The following LRRC71 variants were observed in gnomAD, a reference collection of about 807,000 sequenced individuals.
LRRC71 encodes leucine-rich repeat-containing protein 71.
In LRRC71, 54 loss-of-function variants were observed where a neutral mutation model predicts 66.6. The ratio of observed to expected loss-of-function variants is 0.81; its 90% CI spans 0.65 to 1.02. The LOEUF is 1.02. Ranked by LOEUF, LRRC71 falls within the 50% of genes least tolerant of loss-of-function variation. LRRC71 has a pLI of 0.00. For missense variants in LRRC71, 724 were observed against 718.0 expected (o/e 1.01, Z -0.10); for synonymous variants, 323 against 303.9 (o/e 1.06, Z -0.65).
downstream of LRRC71, chr1:156,936,147 C>G (rs760175837): frequency 2.9e-5 from 38 of 1,320,508 alleles, 1 homozygote; most frequent in South Asian, 4.3e-4. Flanking sequence ...CTCACGAGAA[C>G]AGATCCTTCA....
chr1:156,930,060 T>TTCTTTTTTCTTTCTTTCTTTTTCTTTC (rs746194831), intron 11 of LRRC71, among the ~76,000 whole-genome samples: 3 of 126,182 alleles, frequency 2.4e-5, no homozygotes, highest in Admixed American at 1.6e-4. Context: ...CTTTCTTTCT[T>TTCTTTTTTCTTTCTTTCTTTTTCTTTC]TTTCTTTCTT....
chr1:156,920,881 G>A lies in LRRC71; in HGVS notation c.78G>A (p.Val26=). ...GGACCCAGAAGTCTTCTGGCGCGGT[G>A]ACCAAAAAGGGAGAGCGCGCGGCCA... ...RPGTQKSSGA[V]TKKGERAAKE... is the part of the protein sequence containing the mutation. The change falls in exon 1 of 15, where the codon GTG becomes GTA. Residue 26 remains valine, a synonymous_variant. Coordinates refer to ENST00000337428, the MANE Select transcript of LRRC71 (RefSeq NM_144702.3). The surrounding 1 kb of genome is among the most constrained non-coding windows in gnomAD (Gnocchi z 4.9). 1 of 1,540,284 alleles carries A rather than the reference G, an allele frequency of 6.5e-7. No homozygotes were observed. Among genetic ancestry groups the A allele is most frequent in the Non-Finnish European group, 8.8e-7 (1 of 1,142,798 alleles).
chr1:156,936,793 G>C, downstream of LRRC71: 1 of 1,605,258 alleles, frequency 6.2e-7, no homozygotes, highest in Non-Finnish European at 8.5e-7. Flanking sequence ...GGTAGGAACC[G>C]AGAGGGACCT....
At chr1:156,932,649 G>A (rs756452085) in intron 14 of LRRC71, 104 bp downstream of exon 14, 65 of 1,611,962 alleles carry the variant, frequency 4.0e-5, no homozygotes, top group Non-Finnish European at 5.2e-5. Flanking sequence ...TTCCAAGGAA[G>A]GTCTGTAGTT....
chr1:156,927,431 C>T (rs1198194843), intron 6 of LRRC71, 65 bp from the exon 7 acceptor site: 3 of 1,520,340 alleles, frequency 2.0e-6, no homozygotes, highest in Admixed American at 2.1e-5. Context: ...GCTCAAGTCT[C>T]CCATATTCCG....
Position 156,920,990 on chromosome 1 carries a change from C to A in LRRC71, c.160+27C>A. 1.4e-6 allele frequency: 2 copies of A among 1,479,632 alleles called. No homozygotes were observed. The highest frequency in any genetic ancestry group is 1.8e-6 in the Non-Finnish European group (2 of 1,108,974). The allele number at this position is 1,479,632 out of a possible 1,614,324, so 91.7% of individuals were successfully genotyped here. ...TACGCTGGCGCCGGGGTTTGGGGAT[C>A]GGGCTTCCAGGCTGCGTCTTCCCGG... On this transcript the variant is annotated intron_variant, in intron 1 of 14. Transcript: ENST00000337428. The surrounding 1 kb of genome is among the most constrained non-coding windows in gnomAD (Gnocchi z 4.9).
Position 156,927,182 on chromosome 1 carries a change from C to T in LRRC71, c.594-20C>T. Reference sequence around the variant, plus strand: ...GGCCTCAGTGGTACCTTCTGGTTCTCAGATCTCCCCTGCCCTCAGGAAGGT... The same window carrying T: ...GGCCTCAGTGGTACCTTCTGGTTCTTAGATCTCCCCTGCCCTCAGGAAGGT... On this transcript the variant is annotated intron_variant, in intron 5 of 14. Coordinates refer to ENST00000337428, the MANE Select transcript of LRRC71 (RefSeq NM_144702.3). 6.2e-7 allele frequency: 1 copy of T among 1,604,988 alleles called. No homozygotes were observed. The highest frequency in any genetic ancestry group is 8.5e-7 in the Non-Finnish European group (1 of 1,175,686).
At chr1:156,930,064 C>CTTTCTT (rs1557793125) in intron 11 of LRRC71, among the ~76,000 whole-genome samples, 2 of 95,556 alleles carry the variant, frequency 2.1e-5, no homozygotes, top group African/African-American at 9.1e-5. Context: ...CTTTCTTTTT[C>CTTTCTT]TTTCTTTCTT....
chr1:156,936,497 AATATAT>A (rs1553192804), downstream of LRRC71, among the ~76,000 whole-genome samples: 40 of 33,942 alleles, frequency 1.2e-3, 1 homozygote, highest in African/African-American at 5.1e-3. Flanking sequence ...AAAAAAAAAA[AATATAT>A]ATATATATAT....
downstream of LRRC71, chr1:156,936,069 A>C: frequency 6.2e-7 from 1 of 1,613,786 alleles, no homozygotes; most frequent in Non-Finnish European, 8.5e-7. Flanking sequence ...CTGTGGGAGG[A>C]GGATGAAGGT....
At chr1:156,929,851 T>C (rs1326696972) in intron 11 of LRRC71, 122 bp downstream of exon 11, 4 of 767,736 alleles carry the variant, frequency 5.2e-6, no homozygotes, top group Non-Finnish European at 8.3e-6. Context: ...GCCATGCCCC[T>C]CTGGGCTTGA....
chr1:156,920,697 G>C lies in LRRC71; in HGVS notation c.-107G>C, dbSNP rs1453966442. 1 of 1,283,896 alleles carries C rather than the reference G, an allele frequency of 7.8e-7. No homozygotes were observed. The highest frequency in any genetic ancestry group is 3.1e-5 in the East Asian group (1 of 32,702). The allele number at this position is 1,283,896 out of a possible 1,614,324, so 79.5% of individuals were successfully genotyped here. A position where few individuals can be genotyped will look rare whatever the true frequency, so the allele number is the denominator to read the frequency against. On this transcript the variant is annotated 5_prime_UTR_variant, in exon 1 of 15. Transcript: ENST00000337428. This position sits in a 1 kb window ranked among gnomAD's most constrained non-coding sequence, Gnocchi z 4.9. ...CGGGTCGGATCCGGTCCCTGGACGC[G>C]GAACAGAGATCCCCTGATTCAGCCA...
In LRRC71 at chr1:156,927,522, A is replaced by T. The variant is rs1323716341; in HGVS notation, c.689A>T (p.Asn230Ile). 6.5e-7 allele frequency: 1 copy of T among 1,546,246 alleles called. No individual in the cohort carries two copies. Among genetic ancestry groups the T allele is most frequent in the Non-Finnish European group, 8.7e-7 (1 of 1,147,644 alleles). ...STIAHLSLRN[N>I]NIDDRGAQLL... ...ATTGCGCACTTGTCTCTGCGGAACA[A>T]TAACATCGACGACCGCGGGGCGCAA... The change falls in exon 7 of 15, where the codon AAT (asparagine) becomes ATT (isoleucine). Residue 230 changes from asparagine (N) to isoleucine (I), a missense_variant. Transcript: ENST00000337428.
intron 12 of LRRC71, 34 bp downstream of exon 12, chr1:156,930,651 C>T: frequency 6.6e-7 from 1 of 1,525,284 alleles, no homozygotes; most frequent in Non-Finnish European, 8.9e-7. Context: ...GCAGGGGGCA[C>T]ACCCCTGGGA....
At chr1:156,929,197 G>A (rs1306529631) in intron 9 of LRRC71, 83 bp from the exon 10 acceptor site, 3 of 1,492,762 alleles carry the variant, frequency 2.0e-6, no homozygotes, top group African/African-American at 1.4e-5. Flanking sequence ...TGCTCCCCAA[G>A]TATGGGTATA....
At chr1:156,937,097 T>C, downstream of LRRC71, 1 of 1,564,228 alleles carries the variant, frequency 6.4e-7, no homozygotes, top group Non-Finnish European at 8.7e-7. Context: ...GGGAGGAGGG[T>C]GTGATTTAAG....
At chr1:156,937,341 G>A (rs1357995242), downstream of LRRC71, 5 of 1,613,502 alleles carry the variant, frequency 3.1e-6, no homozygotes, top group Admixed American at 1.7e-5. Flanking sequence ...GAGCGGCTGG[G>A]GCGTCTTGGA....
chr1:156,938,137 C>T, the LRRC71 span, among the ~76,000 whole-genome samples: 1 of 152,124 alleles, frequency 6.6e-6, no homozygotes, highest in Non-Finnish European at 1.5e-5. Flanking sequence ...GTCCCCACCC[C>T]CAGGCCAGGC....
the LRRC71 span, chr1:156,940,297 T>G: frequency 6.2e-7 from 1 of 1,613,692 alleles, no homozygotes; most frequent in Non-Finnish European, 8.5e-7. Flanking sequence ...ATGCCCCTGT[T>G]CTCTCCATCC....
Sources: allele counts gnomAD v4.1 joint callset (sites outside exome capture counted in the v4.1 genomes callset), GRCh38; gene constraint gnomAD v4.1.1; non-coding constraint Gnocchi (gnomAD v3.1); transcripts MANE v1.5; gene names NCBI Gene and HGNC (gene_info 2026-07-23, HGNC 2026-07-21).